The following SYNPO variants were observed in gnomAD, a reference collection of about 807,000 sequenced individuals.
SYNPO encodes synaptopodin.
A neutral mutation model predicts 49.5 loss-of-function variants in SYNPO; 19 were observed. The ratio of observed to expected loss-of-function variants is 0.38; its 90% confidence interval spans 0.27 to 0.56. The LOEUF (loss-of-function observed/expected upper bound fraction) is 0.56, where lower values mean the gene tolerates loss of function less well. SYNPO is among the 20% of genes least tolerant of loss of function. The pLI, the probability that SYNPO is intolerant of heterozygous loss-of-function variation, is 0.68. For synonymous variants in SYNPO, 536 were observed against 548.0 expected, an observed-to-expected ratio of 0.98 and a Z score of 0.31; for missense variants, 1,131 against 1,248.3, an observed-to-expected ratio of 0.91 and a Z score of 1.42.
intron 1 of SYNPO, among the ~76,000 whole-genome samples, chr5:150,602,890 G>C (rs1756582529): frequency 6.6e-6 from 1 of 151,996 alleles, no homozygotes; most frequent in Non-Finnish European, 1.5e-5. Context: ...GACTGTCTAG[G>C]GCCTGAAGGT....
Position 150,657,717 on chromosome 5 carries a change from A to G in SYNPO, c.*630A>G, listed in dbSNP as rs1758628877. 6.6e-6 allele frequency: 1 copy of G among 152,516 alleles called. No homozygotes were observed. The highest frequency in any genetic ancestry group is 2.4e-5 in the African/African-American group (1 of 41,386). The allele number at this position is 152,516 out of a possible 1,614,324, so 9.4% of individuals were successfully genotyped here. On this transcript the variant is annotated 3_prime_UTR_variant, in exon 3 of 3. Coordinates refer to ENST00000307662, the MANE Select transcript of SYNPO (RefSeq NM_007286.6). ...TTCCATCCCTTCCCAGACAAGCTCT[A>G]TTTTTATCACAATGACCTTTAGAGA...
At position 150,603,928 on chromosome 5, in the gene SYNPO, G is replaced by T. The variant is rs78039351; in HGVS notation, c.-266+2740G>T. Among the ~76,000 whole-genome samples the T allele has an allele frequency of 6.3e-3, 960 of 152,326 alleles. 54 individuals are homozygous for T. The East Asian group carries it at 0.12, about 20-fold the overall frequency. ...AGGAGACTCTTGTTCTTATGGAAGG[G>T]TGCCTTTCCTAGGGGGAAGAACCTT... On this transcript the variant is annotated intron_variant, in intron 1 of 2. Transcript: ENST00000394243.
the SYNPO span, among the ~76,000 whole-genome samples, chr5:150,590,186 C>T: frequency 1.3e-5 from 2 of 152,220 alleles, no homozygotes; most frequent in Non-Finnish European, 2.9e-5. Context: ...TGAGCTGGAG[C>T]CTGCCTCTGC....
intron 2 of SYNPO, among the ~76,000 whole-genome samples, chr5:150,620,925 C>A (rs1472529226): frequency 7.5e-6 from 1 of 134,178 alleles, no homozygotes; most frequent in African/African-American, 2.9e-5. Context: ...TTCTTTCTTT[C>A]TTTCTTTCTT....
intron 2 of SYNPO, chr5:150,624,835 C>T: frequency 1.0e-6 from 1 of 983,724 alleles, no homozygotes; most frequent in Non-Finnish European, 1.2e-6. Flanking sequence ...GGGCGGGGCG[C>T]GCTGACGGAC....
At chr5:150,631,810 C>T (rs529292069) in intron 2 of SYNPO, among the ~76,000 whole-genome samples, 1 of 152,258 alleles carries the variant, frequency 6.6e-6, no homozygotes, top group East Asian at 1.9e-4. Flanking sequence ...TTATGGAGGC[C>T]CAGCAGGCCT....
chr5:150,588,677 A>G, the SYNPO span, among the ~76,000 whole-genome samples: 1 of 151,682 alleles, frequency 6.6e-6, no homozygotes, highest in Admixed American at 6.6e-5. Context: ...GGGGCAGGGG[A>G]GAGAAGAGGA....
chr5:150,642,967 A>G (rs1757962394), intron 1 of SYNPO, among the ~76,000 whole-genome samples: 1 of 152,212 alleles, frequency 6.6e-6, no homozygotes, highest in Non-Finnish European at 1.5e-5. Flanking sequence ...TTGGGCTCAC[A>G]TCCTCCTCTC....
At chr5:150,620,893 TTTTTTCTC>T (rs1456108397) in intron 2 of SYNPO, among the ~76,000 whole-genome samples, 4 of 138,268 alleles carry the variant, frequency 2.9e-5, no homozygotes, top group East Asian at 2.1e-4. Flanking sequence ...CTTTTTTTCT[TTTTTTCTC>T]TTTCTTTCTT....
intron 1 of SYNPO, among the ~76,000 whole-genome samples, chr5:150,606,024 T>A (rs945862166): frequency 2.6e-5 from 4 of 151,758 alleles, no homozygotes; most frequent in Non-Finnish European, 4.4e-5. Context: ...AAATGCCACA[T>A]AGAAACACGT....
intron 2 of SYNPO, among the ~76,000 whole-genome samples, chr5:150,632,786 T>C (rs1757584795): frequency 6.6e-6 from 1 of 152,126 alleles, no homozygotes; most frequent in African/African-American, 2.4e-5. Context: ...ATTCTTAGTG[T>C]GACAGGGTGG....
At chr5:150,647,714 G>C (rs1758155809) in intron 1 of SYNPO, among the ~76,000 whole-genome samples, 1 of 152,236 alleles carries the variant, frequency 6.6e-6, no homozygotes, top group South Asian at 2.1e-4. Context: ...AATCCTGAGA[G>C]GATAATCAGG....
intron 1 of SYNPO, chr5:150,614,629 A>G (rs1194232310): frequency 5.9e-5 from 9 of 152,182 alleles, no homozygotes; most frequent in Admixed American, 5.9e-4. Context: ...TGAGATGAGG[A>G]CAGCGTGTTC....
upstream of SYNPO, among the ~76,000 whole-genome samples, chr5:150,599,728 A>C (rs1454586818): frequency 6.6e-6 from 1 of 152,218 alleles, no homozygotes; most frequent in Non-Finnish European, 1.5e-5. Flanking sequence ...GTCTTACAGT[A>C]ACTACTGCAG....
intron 2 of SYNPO, among the ~76,000 whole-genome samples, chr5:150,632,623 C>T (rs1284283276): frequency 1.3e-5 from 2 of 152,134 alleles, no homozygotes; most frequent in East Asian, 3.9e-4. Flanking sequence ...CCTCTAAGGG[C>T]CCTTTCGGCT....
intron 1 of SYNPO, among the ~76,000 whole-genome samples, chr5:150,605,214 C>T (rs991686481): frequency 6.6e-6 from 1 of 152,110 alleles, no homozygotes; most frequent in African/African-American, 2.4e-5. Flanking sequence ...TGAGGTTGGA[C>T]GGTCAGAGGC....
chr5:150,598,598 TTAGTATCCAGATAAGTATCCAGATA>T, upstream of SYNPO, among the ~76,000 whole-genome samples: 1 of 152,202 alleles, frequency 6.6e-6, no homozygotes, highest in South Asian at 2.1e-4. Flanking sequence ...TATGAGATAA[TTAGTATCCAGATAAGTATCCAGATA>T]TAGTATCCAG....
intron 1 of SYNPO, among the ~76,000 whole-genome samples, chr5:150,613,235 C>T (rs967857290): frequency 1.6e-4 from 25 of 152,310 alleles, no homozygotes; most frequent in African/African-American, 6.0e-4. Flanking sequence ...AGAGCTGGGC[C>T]TTGCAGTCAT....
chr5:150,655,180 A>G (rs1758513726), intron 2 of SYNPO, among the ~76,000 whole-genome samples: 1 of 152,222 alleles, frequency 6.6e-6, no homozygotes. Flanking sequence ...TAGATAATAC[A>G]TTCATATGGT....
Sources: gnomAD v4.1 joint callset for allele counts (sites outside exome capture counted in the v4.1 genomes callset) on GRCh38, gnomAD v4.1.1 for gene constraint, MANE v1.5 for transcripts, NCBI Gene and HGNC (gene_info 2026-07-23, HGNC 2026-07-21) for gene names.